The following MCF2L2 variants were observed in gnomAD, a reference collection of about 807,000 sequenced individuals.
The protein encoded by MCF2L2 is MCF.2 cell line derived transforming sequence-like 2, also known as probable guanine nucleotide exchange factor MCF2L2.
MCF2L2 carries 102 observed loss-of-function variants against 150.2 expected under a neutral mutation model. The observed-to-expected ratio is 0.68, with a 90% CI of 0.58 to 0.80. The LOEUF is 0.80. MCF2L2 is among the 30% of genes least tolerant of loss of function. MCF2L2 has a pLI of 0.00. For synonymous variants in MCF2L2, 465 were observed against 491.3 expected (o/e 0.95, Z 0.71); for missense variants, 1,256 against 1,372.8 (o/e 0.91, Z 1.34).
At chr3:183,396,995 G>A (rs181602969) in intron 1 of MCF2L2, among the ~76,000 whole-genome samples, 2 of 152,278 alleles carry the variant, frequency 1.3e-5, no homozygotes, top group Non-Finnish European at 2.9e-5. Flanking sequence ...GTGGACTTGT[G>A]GCCTCTAGGA....
At chr3:183,327,730 C>T (rs1238612674) in intron 5 of MCF2L2, among the ~76,000 whole-genome samples, 2 of 152,182 alleles carry the variant, frequency 1.3e-5, no homozygotes, top group African/African-American at 2.4e-5. Context: ...ACATATCTCA[C>T]ATCTTATACA....
chr3:183,257,785 C>G (rs945506932), intron 15 of MCF2L2, among the ~76,000 whole-genome samples: 2 of 152,082 alleles, frequency 1.3e-5, no homozygotes, highest in African/African-American at 4.8e-5. Flanking sequence ...TCAACCACAG[C>G]TAAACTTTCT....
At chr3:183,424,809 T>C (rs766800476) in intron 1 of MCF2L2, among the ~76,000 whole-genome samples, 3 of 152,172 alleles carry the variant, frequency 2.0e-5, no homozygotes, top group Non-Finnish European at 4.4e-5. Context: ...TAAAGACTTA[T>C]TCCAGGTGGG....
At position 183,401,051 on chromosome 3, in the gene MCF2L2, G is replaced by A. The variant is rs183622876; in HGVS notation, c.77-11272C>T. Among the ~76,000 whole-genome samples the A allele has an allele frequency of 3.9e-5, 6 of 152,136 alleles. No individual in the cohort carries two copies. The East Asian group carries it at 1.2e-3, about 29-fold the overall frequency. ...ACAGGATGTAGAGCGCCTCCTGAAC[G>A]ACTCCTGAAGATCAGGTGCAAGTAT... On this transcript the variant is annotated intron_variant, in intron 1 of 29. Transcript: ENST00000328913.
In MCF2L2 at chr3:183,428,204, A is replaced by G; in HGVS notation, c.-227T>C. Reference sequence around the variant, plus strand: ...AAGTCTGGCGCTTTCCCAGCGTCGCAGCTGGACCGAGAGAGGAGCGGCCGT... The same window carrying G: ...AAGTCTGGCGCTTTCCCAGCGTCGCGGCTGGACCGAGAGAGGAGCGGCCGT... On this transcript the variant is annotated 5_prime_UTR_variant, in exon 1 of 30. Coordinates refer to ENST00000328913, the MANE Select transcript of MCF2L2 (RefSeq NM_015078.4). This position sits in a 1 kb window ranked among gnomAD's most constrained non-coding sequence, Gnocchi z 5.1. 1 of 515,442 alleles carries G rather than the reference A, an allele frequency of 1.9e-6. No individual in the cohort carries two copies. Among genetic ancestry groups the G allele is most frequent in the Non-Finnish European group, 3.4e-6 (1 of 294,628 alleles). The allele number at this position is 515,442 out of a possible 1,614,324, so 31.9% of individuals were successfully genotyped here. A position where few individuals can be genotyped will look rare whatever the true frequency, so the allele number is the denominator to read the frequency against.
At chr3:183,249,237 G>A (rs16857207) in intron 15 of MCF2L2, among the ~76,000 whole-genome samples, 2,833 of 152,308 alleles carry the variant, frequency 0.019, 109 homozygotes, top group African/African-American at 0.065. Context: ...GTATGCTTCC[G>A]GGAGTGTGGA....
intron 1 of MCF2L2, among the ~76,000 whole-genome samples, chr3:183,396,790 T>G (rs921840907): frequency 1.3e-5 from 2 of 152,044 alleles, no homozygotes; most frequent in Non-Finnish European, 2.9e-5. Context: ...AATAGTATGA[T>G]GAGATGAGAA....
intron 25 of MCF2L2, among the ~76,000 whole-genome samples, chr3:183,203,343 G>A (rs531996445): frequency 6.6e-6 from 1 of 152,280 alleles, no homozygotes; most frequent in South Asian, 2.1e-4. Flanking sequence ...AAGACTAAAG[G>A]AAAGCACAAG....
At chr3:183,256,730 G>C (rs994465942) in intron 15 of MCF2L2, among the ~76,000 whole-genome samples, 2 of 152,190 alleles carry the variant, frequency 1.3e-5, no homozygotes, top group Non-Finnish European at 2.9e-5. Context: ...AGCAAAGTAA[G>C]TTCAAGGATG....
intron 10 of MCF2L2, among the ~76,000 whole-genome samples, chr3:183,307,046 C>T (rs776889267): frequency 6.6e-6 from 1 of 152,166 alleles, no homozygotes; most frequent in Non-Finnish European, 1.5e-5. Context: ...AACCCTCAAA[C>T]GAGAACAAGA....
At chr3:183,188,155 G>A (rs1054115040) in intron 27 of MCF2L2, among the ~76,000 whole-genome samples, 19 of 152,170 alleles carry the variant, frequency 1.2e-4, no homozygotes, top group Non-Finnish European at 2.2e-4. Context: ...CACTATACAT[G>A]CCACCAGTAG....
intron 14 of MCF2L2, among the ~76,000 whole-genome samples, chr3:183,280,763 G>A (rs1156333575): frequency 2.7e-5 from 4 of 150,794 alleles, no homozygotes; most frequent in East Asian, 1.9e-4. Flanking sequence ...CAGGAGAATC[G>A]CTTGAACCCG....
At chr3:183,417,465 A>C (rs1715662908) in intron 1 of MCF2L2, among the ~76,000 whole-genome samples, 1 of 150,290 alleles carries the variant, frequency 6.7e-6, no homozygotes, top group Non-Finnish European at 1.5e-5. Context: ...TTTTCAAATC[A>C]GTTAAAAGAA....
chr3:183,309,512 G>A (rs577482359), intron 10 of MCF2L2, among the ~76,000 whole-genome samples: 3 of 152,206 alleles, frequency 2.0e-5, no homozygotes, highest in South Asian at 4.1e-4. Flanking sequence ...GTATGTTCCG[G>A]CAGCTTTAAT....
At chr3:183,215,635 C>A (rs1444970022) in intron 22 of MCF2L2, among the ~76,000 whole-genome samples, 1 of 152,202 alleles carries the variant, frequency 6.6e-6, no homozygotes, top group Non-Finnish European at 1.5e-5. Flanking sequence ...AAATCTTTTA[C>A]TATTTTAATA....
intron 1 of MCF2L2, 86 bp from the exon 2 acceptor site, chr3:183,389,865 A>T: frequency 9.1e-7 from 1 of 1,099,184 alleles, no homozygotes; most frequent in Non-Finnish European, 1.4e-6. Flanking sequence ...AAGTTGTACT[A>T]TTGGGAAATC....
At chr3:183,199,677 G>T (rs1393911878) in intron 25 of MCF2L2, among the ~76,000 whole-genome samples, 1 of 149,904 alleles carries the variant, frequency 6.7e-6, no homozygotes, top group Non-Finnish European at 1.5e-5. Context: ...CAACATGCAG[G>T]TTTGTTACAT....
chr3:183,357,280 T>TA (rs1381637677), intron 3 of MCF2L2, among the ~76,000 whole-genome samples: 2 of 152,106 alleles, frequency 1.3e-5, no homozygotes, highest in African/African-American at 2.4e-5. Context: ...TAAACATTTT[T>TA]AAAAAAACAA....
intron 18 of MCF2L2, chr3:183,224,689 A>G (rs1723280895): frequency 6.5e-6 from 1 of 152,750 alleles, no homozygotes. Flanking sequence ...CAGAGGGGAG[A>G]TGTGGTAGAT....
Sources: gnomAD v4.1 joint callset for allele counts (sites outside exome capture counted in the v4.1 genomes callset) on GRCh38, gnomAD v4.1.1 for gene constraint, Gnocchi (gnomAD v3.1) non-coding constraint, MANE v1.5 for transcripts, NCBI Gene and HGNC (gene_info 2026-07-23, HGNC 2026-07-21) for gene names.